SLC35F4: variants seen among roughly 807,000 people sequenced by gnomAD.
SLC35F4 encodes the protein solute carrier family 35 member F4.
A neutral mutation model predicts 44.2 loss-of-function variants in SLC35F4; 24 were observed. That is an observed-to-expected ratio of 0.54 (90% CI 0.39 to 0.76). The LOEUF is 0.76. Among genes scored for constraint, SLC35F4 ranks in the 30% least tolerant of loss-of-function variants. SLC35F4 has a pLI of 0.00. For missense variants in SLC35F4, 562 were observed against 586.1 expected, an observed-to-expected ratio of 0.96 and a Z score of 0.42; for synonymous variants, 238 against 223.6, an observed-to-expected ratio of 1.06 and a Z score of -0.57.
At chr14:57,900,656 C>T (rs895008824) in intron 1 of SLC35F4, among the ~76,000 whole-genome samples, 7 of 152,104 alleles carry the variant, frequency 4.6e-5, no homozygotes, top group African/African-American at 1.7e-4. Flanking sequence ...AAAGCAATTG[C>T]AACAAAAGCA....
rs149984719 is a variant in SLC35F4, at chr14:57,633,894, A to C, written c.104-39770T>G. ...TGCGGAGTGGTATTCCATAGTATGA[A>C]TCTACCATGGACAGAATGCTAACTT... On this transcript the variant is annotated intron_variant, in intron 1 of 7. Transcript: ENST00000556826. 1.8e-3 allele frequency among the ~76,000 whole-genome samples: 278 copies of C among 152,226 alleles called. 5 individuals carry two copies. The highest frequency in any genetic ancestry group is 6.4e-3 in the African/African-American group (264 of 41,552).
At chr14:57,811,946 C>T (rs1399828734) in intron 1 of SLC35F4, among the ~76,000 whole-genome samples, 1 of 152,128 alleles carries the variant, frequency 6.6e-6, no homozygotes, top group Non-Finnish European at 1.5e-5. Flanking sequence ...CATGCCACTG[C>T]ACTCCAGCCT....
At chr14:57,721,647 A>G (rs1034730170) in intron 1 of SLC35F4, among the ~76,000 whole-genome samples, 2 of 152,190 alleles carry the variant, frequency 1.3e-5, no homozygotes, top group Non-Finnish European at 2.9e-5. Flanking sequence ...GAAAATTGGA[A>G]AAGAATGGAT....
upstream of SLC35F4, among the ~76,000 whole-genome samples, chr14:57,982,636 T>A (rs1594670092): frequency 1.3e-5 from 2 of 152,172 alleles, no homozygotes; most frequent in African/African-American, 4.8e-5. Context: ...GGTGCTAGAA[T>A]TCAGAAGACA....
At chr14:57,834,201 G>C (rs1445099613) in intron 1 of SLC35F4, among the ~76,000 whole-genome samples, 3 of 152,294 alleles carry the variant, frequency 2.0e-5, no homozygotes, top group Non-Finnish European at 4.4e-5. Context: ...ACACCAAAAG[G>C]ACTGAGTTGG....
downstream of SLC35F4, chr14:57,976,746 C>T (rs140428965): frequency 1.2e-4 from 18 of 152,310 alleles, 2 homozygotes; most frequent in East Asian, 3.5e-3. Context: ...GGTATATAGC[C>T]ACTGTCTAGC....
At chr14:57,918,963 A>G (rs1035822137) in intron 1 of SLC35F4, among the ~76,000 whole-genome samples, 1 of 152,166 alleles carries the variant, frequency 6.6e-6, no homozygotes, top group Admixed American at 6.5e-5. Flanking sequence ...TGTAGTGTGC[A>G]TTTGTTGCCA....
chr14:57,766,039 C>G (rs1388715056), intron 1 of SLC35F4, among the ~76,000 whole-genome samples: 2 of 152,096 alleles, frequency 1.3e-5, no homozygotes, highest in East Asian at 3.9e-4. Context: ...GAAGGTGACC[C>G]CCTTTAGGTA....
At chr14:57,628,802 A>T (rs1400360347) in intron 1 of SLC35F4, among the ~76,000 whole-genome samples, 1 of 152,174 alleles carries the variant, frequency 6.6e-6, no homozygotes, top group Admixed American at 6.6e-5. Flanking sequence ...GTCAAATCAA[A>T]GCAACTTTAA....
chr14:57,922,320 C>T (rs1375000042), intron 1 of SLC35F4, among the ~76,000 whole-genome samples: 1 of 152,120 alleles, frequency 6.6e-6, no homozygotes, highest in African/African-American at 2.4e-5. Context: ...CCCAGGAATT[C>T]ATATCACTAC....
At chr14:57,717,114 C>G (rs185861639) in intron 1 of SLC35F4, among the ~76,000 whole-genome samples, 3 of 152,044 alleles carry the variant, frequency 2.0e-5, no homozygotes, top group Non-Finnish European at 4.4e-5. Context: ...TGTAGATGAA[C>G]CCTTAGGTTA....
intron 1 of SLC35F4, among the ~76,000 whole-genome samples, chr14:57,618,606 G>A (rs1250443064): frequency 2.6e-5 from 4 of 152,188 alleles, no homozygotes; most frequent in Admixed American, 2.6e-4. Flanking sequence ...TACAAAACTG[G>A]GTGGTCACTT....
At chr14:57,644,396 T>C (rs2073398057) in intron 1 of SLC35F4, among the ~76,000 whole-genome samples, 1 of 152,222 alleles carries the variant, frequency 6.6e-6, no homozygotes, top group Non-Finnish European at 1.5e-5. Context: ...TCGAGTGTTT[T>C]TTGGCAGCAT....
intron 1 of SLC35F4, among the ~76,000 whole-genome samples, chr14:57,605,077 C>T (rs995982812): frequency 1.4e-5 from 1 of 73,504 alleles, no homozygotes; most frequent in African/African-American, 3.9e-5. Flanking sequence ...TCCCCAAAAG[C>T]AATTGAAAAC....
At chr14:57,801,560 G>C (rs968967577) in intron 1 of SLC35F4, among the ~76,000 whole-genome samples, 1 of 151,898 alleles carries the variant, frequency 6.6e-6, no homozygotes, top group Admixed American at 6.6e-5. Flanking sequence ...AAAGACACAG[G>C]ATGGCAAGCT....
At position 57,962,440 on chromosome 14, in the gene SLC35F4, G is replaced by A. The variant is rs552099301; in HGVS notation, n.282+19473C>T. On this transcript the variant is annotated intron_variant and non_coding_transcript_variant, in intron 1 of 1. Transcript: ENST00000556568. ...CTCCCATTAAGCCAGCAGTGGCTGC[G>A]GCGCAGATTCTCGGCCCTGCCTCAA... Among the ~76,000 whole-genome samples, 36 of 152,262 alleles carry A rather than the reference G, an allele frequency of 2.4e-4. 2 individuals carry two copies. The South Asian group carries it at 7.1e-3, about 30-fold the overall frequency.
At chr14:57,793,246 TTTTA>T (rs1303217752) in intron 1 of SLC35F4, among the ~76,000 whole-genome samples, 1 of 151,974 alleles carries the variant, frequency 6.6e-6, no homozygotes, top group Non-Finnish European at 1.5e-5. Flanking sequence ...TTTTAAAAAC[TTTTA>T]TTTTTTTTTT....
intron 1 of SLC35F4, among the ~76,000 whole-genome samples, chr14:57,915,559 G>A (rs1566928644): frequency 1.3e-5 from 2 of 152,140 alleles, no homozygotes; most frequent in Non-Finnish European, 2.9e-5. Flanking sequence ...TGAATGCTTT[G>A]CTACTTAGAT....
chr14:57,643,960 T>G (rs1380149177), intron 1 of SLC35F4, among the ~76,000 whole-genome samples: 1 of 152,214 alleles, frequency 6.6e-6, no homozygotes, highest in African/African-American at 2.4e-5. Flanking sequence ...TCCTTGTTTA[T>G]GGCTGCATAG....
Sources: allele counts gnomAD v4.1 joint callset (sites outside exome capture counted in the v4.1 genomes callset), GRCh38; gene constraint gnomAD v4.1.1; transcripts MANE v1.5; gene names NCBI Gene and HGNC (gene_info 2026-07-23, HGNC 2026-07-21).